The following FAM78B variants were observed in gnomAD, a reference collection of about 807,000 sequenced individuals.
The protein encoded by FAM78B is family with sequence similarity 78 member B.
FAM78B carries 10 observed loss-of-function variants against 20.0 expected under a neutral mutation model. The ratio of observed to expected loss-of-function variants is 0.50; its 90% CI spans 0.31 to 0.85. The LOEUF is 0.85. Among genes scored for constraint, FAM78B ranks in the 40% least tolerant of loss-of-function variants. The pLI is 0.05. For synonymous variants in FAM78B, 135 were observed against 132.8 expected (o/e 1.02, Z -0.12); for missense variants, 283 against 345.0 (o/e 0.82, Z 1.42).
At chr1:166,110,937 T>C (rs80352728) in intron 1 of FAM78B, among the ~76,000 whole-genome samples, 2,553 of 152,212 alleles carry the variant, frequency 0.017, 78 homozygotes, top group African/African-American at 0.058. Context: ...TAAATGTATA[T>C]AGAAATGACA....
At chr1:166,154,749 A>G (rs1239605888) in intron 1 of FAM78B, 2 of 519,512 alleles carry the variant, frequency 3.8e-6, no homozygotes, top group Non-Finnish European at 7.9e-6. Context: ...TTAGCCAGTG[A>G]TCCAGGCCCA....
At chr1:166,138,905 T>C (rs139110151) in intron 1 of FAM78B, among the ~76,000 whole-genome samples, 3,366 of 152,364 alleles carry the variant, frequency 0.022, 40 homozygotes, top group Admixed American at 0.038. Flanking sequence ...TTATAACCTG[T>C]GGGGCCTTTC....
At chr1:166,113,809 T>C (rs548343090) in intron 1 of FAM78B, among the ~76,000 whole-genome samples, 3 of 152,302 alleles carry the variant, frequency 2.0e-5, no homozygotes, top group South Asian at 2.1e-4. Context: ...AGTGTGCAGA[T>C]GGGTGTACCT....
chr1:166,077,122 G>C (rs1652305451), intron 1 of FAM78B, among the ~76,000 whole-genome samples: 1 of 152,160 alleles, frequency 6.6e-6, no homozygotes, highest in South Asian at 2.1e-4. Flanking sequence ...CAGCAGTAAA[G>C]ATATGCTGGT....
intron 1 of FAM78B, among the ~76,000 whole-genome samples, chr1:166,113,587 C>T (rs916543810): frequency 1.3e-5 from 2 of 152,220 alleles, no homozygotes; most frequent in Non-Finnish European, 2.9e-5. Context: ...GTGTATGTGG[C>T]ATCAGAAGTT....
At chr1:166,106,615 G>A (rs1455884923) in intron 1 of FAM78B, among the ~76,000 whole-genome samples, 12 of 152,196 alleles carry the variant, frequency 7.9e-5, no homozygotes, top group Non-Finnish European at 2.9e-5. Context: ...AATTAACACA[G>A]GAACAGAAAA....
At chr1:166,148,451 C>A (rs1323371209) in intron 1 of FAM78B, among the ~76,000 whole-genome samples, 8 of 152,172 alleles carry the variant, frequency 5.3e-5, no homozygotes, top group Non-Finnish European at 1.2e-4. Context: ...AAAGTTTGGG[C>A]AACTTACATG....
At chr1:166,067,422 C>T (rs546926389), downstream of FAM78B, among the ~76,000 whole-genome samples, 35 of 152,018 alleles carry the variant, frequency 2.3e-4, 1 homozygote, top group South Asian at 6.9e-3. Context: ...GTGTCTAAGT[C>T]CTGAGACCAC....
intron 1 of FAM78B, among the ~76,000 whole-genome samples, chr1:166,131,788 G>A (rs1654887021): frequency 6.6e-6 from 1 of 152,192 alleles, no homozygotes; most frequent in Non-Finnish European, 1.5e-5. Context: ...ACGTGGCTAT[G>A]CACTAGTTGG....
chr1:166,064,430 A>G (rs1355860211), downstream of FAM78B, among the ~76,000 whole-genome samples: 1 of 152,164 alleles, frequency 6.6e-6, no homozygotes, highest in African/African-American at 2.4e-5. Context: ...AAACTAGGCA[A>G]ATTGGGCTGG....
chr1:166,056,013 G>A (rs1651331837), downstream of FAM78B, among the ~76,000 whole-genome samples: 1 of 152,202 alleles, frequency 6.6e-6, no homozygotes, highest in African/African-American at 2.4e-5. Context: ...TTCTGATAGA[G>A]AAGATGCAGG....
At chr1:166,097,430 T>A (rs1301612267) in intron 1 of FAM78B, among the ~76,000 whole-genome samples, 1 of 152,220 alleles carries the variant, frequency 6.6e-6, no homozygotes, top group Non-Finnish European at 1.5e-5. Context: ...AAGCCCCTTT[T>A]CTTCTGCAGC....
At chr1:166,163,643 G>A (rs1040033474) in intron 1 of FAM78B, among the ~76,000 whole-genome samples, 1 of 152,184 alleles carries the variant, frequency 6.6e-6, no homozygotes, top group Non-Finnish European at 1.5e-5. Flanking sequence ...CTAATAGACT[G>A]CAGCAACTTT....
At position 166,166,367 on chromosome 1, in the gene FAM78B, T is replaced by G; in HGVS notation, c.-119A>C. 2.2e-6 allele frequency: 2 copies of G among 929,048 alleles called. No homozygotes were observed. Among genetic ancestry groups the G allele is most frequent in the South Asian group, 5.0e-5 (1 of 19,956 alleles). The allele number at this position is 929,048 out of a possible 1,614,324, so 57.6% of individuals were successfully genotyped here. A position where few individuals can be genotyped will look rare whatever the true frequency, so the allele number is the denominator to read the frequency against. On this transcript the variant is annotated 5_prime_UTR_variant, in exon 1 of 2. Coordinates refer to ENST00000354422, the MANE Select transcript of FAM78B (RefSeq NM_001017961.5). ...CCGCTCGCTCCCGGTCAGACTCAGC[T>G]CGCACCTAGGAGCGGGGAGCCGCCG...
rs185096022 is a variant in FAM78B, at chr1:166,148,875, A to G, written c.263+17111T>C. Among the ~76,000 whole-genome samples, 323 of 152,348 alleles carry G rather than the reference A, an allele frequency of 2.1e-3. 1 individual carries two copies. Among genetic ancestry groups the G allele is most frequent in the African/African-American group, 7.5e-3 (313 of 41,576 alleles). On this transcript the variant is annotated intron_variant, in intron 1 of 1. Coordinates refer to ENST00000354422, the MANE Select transcript of FAM78B (RefSeq NM_001017961.5). ...TACATTCACTGTTCAATTCCCACCT[A>G]TGAGTGAGAATATGCGGTGTTTGGT...
chr1:166,086,066 T>C (rs907413190), intron 1 of FAM78B, among the ~76,000 whole-genome samples: 18 of 151,800 alleles, frequency 1.2e-4, no homozygotes, highest in African/African-American at 4.4e-4. Flanking sequence ...GTAGGTACTA[T>C]GTTACTCTTT....
chr1:166,071,549 T>A (rs1652032739), intron 1 of FAM78B, among the ~76,000 whole-genome samples: 1 of 152,238 alleles, frequency 6.6e-6, no homozygotes, highest in Non-Finnish European at 1.5e-5. Flanking sequence ...AACCAATGTC[T>A]CTACCCCCTG....
chr1:166,163,051 G>A (rs1008130600), intron 1 of FAM78B, among the ~76,000 whole-genome samples: 5 of 152,198 alleles, frequency 3.3e-5, no homozygotes, highest in South Asian at 2.1e-4. Context: ...ATAATGAGAA[G>A]CAGTGAAAAC....
At chr1:166,097,289 A>C (rs1444866982) in intron 1 of FAM78B, among the ~76,000 whole-genome samples, 1 of 152,196 alleles carries the variant, frequency 6.6e-6, no homozygotes, top group South Asian at 2.1e-4. Flanking sequence ...GCAGTGGGTA[A>C]AACTCCACAG....
Sources: gnomAD v4.1 joint callset for allele counts (sites outside exome capture counted in the v4.1 genomes callset) on GRCh38, gnomAD v4.1.1 for gene constraint, MANE v1.5 for transcripts, NCBI Gene and HGNC (gene_info 2026-07-23, HGNC 2026-07-21) for gene names.